TMEM132E: variants seen among roughly 807,000 people sequenced by gnomAD.
The protein encoded by TMEM132E is transmembrane protein 132E.
Under a neutral mutation model 78.5 loss-of-function variants are expected in TMEM132E, and 49 were observed. The observed-to-expected ratio is 0.62, with a 90% CI of 0.50 to 0.79. TMEM132E has a LOEUF of 0.79. TMEM132E is among the 30% of genes least tolerant of loss of function. The probability of loss-of-function intolerance (pLI) is 0.00; values close to 1 mark genes in which losing one functional copy is unlikely to be tolerated. For missense variants in TMEM132E, 1,403 were observed against 1,470.9 expected (o/e 0.95, Z 0.75); for synonymous variants, 715 against 670.6 (o/e 1.07, Z -1.02).
At chr17:34,589,697 C>T (rs1466969397) in intron 1 of TMEM132E, among the ~76,000 whole-genome samples, 5 of 152,084 alleles carry the variant, frequency 3.3e-5, no homozygotes, top group Non-Finnish European at 7.4e-5. Flanking sequence ...CTGCCTGTTG[C>T]CGTTCTATGT....
At chr17:34,619,435 G>A (rs192449603) in intron 1 of TMEM132E, among the ~76,000 whole-genome samples, 286 of 144,628 alleles carry the variant, frequency 2.0e-3, no homozygotes, top group Non-Finnish European at 2.1e-4. Flanking sequence ...CCTGTCCCCT[G>A]GAAATTCTCA....
chr17:34,581,287 T>G, intron 1 of TMEM132E, 144 bp downstream of exon 1: 1 of 735,960 alleles, frequency 1.4e-6, no homozygotes. Flanking sequence ...GCAGCTCGAG[T>G]TACCGCCAGC....
intron 1 of TMEM132E, among the ~76,000 whole-genome samples, chr17:34,595,203 A>C (rs1906014506): frequency 6.6e-6 from 1 of 152,256 alleles, no homozygotes; most frequent in Admixed American, 6.5e-5. Flanking sequence ...AACAGAGCAC[A>C]GCCTAGGAGT....
intron 5 of TMEM132E, among the ~76,000 whole-genome samples, 160 bp from the exon 6 acceptor site, chr17:34,632,544 C>G (rs1464024961): frequency 1.3e-5 from 2 of 152,242 alleles, no homozygotes; most frequent in African/African-American, 4.8e-5. Flanking sequence ...TGATAGAAGC[C>G]AGGACTCCCA....
intron 1 of TMEM132E, among the ~76,000 whole-genome samples, chr17:34,623,206 A>G (rs540024016): frequency 1.3e-5 from 2 of 152,130 alleles, no homozygotes; most frequent in Admixed American, 1.3e-4. Flanking sequence ...TGCAGTCACA[A>G]TTGTCCAATC....
intron 1 of TMEM132E, among the ~76,000 whole-genome samples, chr17:34,589,857 C>T (rs892943602): frequency 1.3e-5 from 2 of 152,170 alleles, no homozygotes; most frequent in East Asian, 3.8e-4. Flanking sequence ...GAGAGGCTGG[C>T]TTATGGGGTC....
intron 1 of TMEM132E, among the ~76,000 whole-genome samples, chr17:34,611,965 T>A (rs981031710): frequency 1.3e-5 from 2 of 152,152 alleles, no homozygotes; most frequent in African/African-American, 4.8e-5. Flanking sequence ...CCAGTTGGCC[T>A]GGGACCGAGG....
chr17:34,602,775 C>T (rs1231349776), intron 1 of TMEM132E, among the ~76,000 whole-genome samples: 2 of 152,164 alleles, frequency 1.3e-5, no homozygotes, highest in Non-Finnish European at 2.9e-5. Context: ...TTAGTGTCCA[C>T]GAAGGAGAGA....
intron 1 of TMEM132E, among the ~76,000 whole-genome samples, chr17:34,600,936 C>T (rs980880456): frequency 2.6e-5 from 4 of 152,306 alleles, no homozygotes; most frequent in East Asian, 1.9e-4. Context: ...CGCCAGCTCA[C>T]GGCACACACT....
chr17:34,604,774 G>A (rs1338196876), intron 1 of TMEM132E, among the ~76,000 whole-genome samples: 2 of 152,200 alleles, frequency 1.3e-5, no homozygotes, highest in African/African-American at 4.8e-5. Flanking sequence ...AGTCTAATGA[G>A]AATGATTTAT....
At chr17:34,620,460 C>G (rs575440295) in intron 1 of TMEM132E, among the ~76,000 whole-genome samples, 2 of 152,266 alleles carry the variant, frequency 1.3e-5, no homozygotes, top group Admixed American at 1.3e-4. Context: ...CCTTGTACTA[C>G]GCAAAGCTGG....
At chr17:34,615,667 A>G (rs1906757445) in intron 1 of TMEM132E, among the ~76,000 whole-genome samples, 1 of 150,950 alleles carries the variant, frequency 6.6e-6, no homozygotes, top group Non-Finnish European at 1.5e-5. Flanking sequence ...GCCAGGGATT[A>G]AAAAAAAACA....
chr17:34,588,310 G>A (rs1260737968), intron 1 of TMEM132E, among the ~76,000 whole-genome samples: 1 of 152,170 alleles, frequency 6.6e-6, no homozygotes, highest in Non-Finnish European at 1.5e-5. Flanking sequence ...ATTTGCCGTG[G>A]TTTTAATTCT....
chr17:34,627,132 T>TGGGGGGGGGGG, intron 2 of TMEM132E, 75 bp downstream of exon 2: 1 of 609,260 alleles, frequency 1.6e-6, no homozygotes, highest in Admixed American at 2.0e-5. Context: ...GTGGGTGGGT[T>TGGGGGGGGGGG]GGGGGGTGGG....
chr17:34,591,948 G>T (rs561640456), intron 1 of TMEM132E, among the ~76,000 whole-genome samples: 131 of 152,208 alleles, frequency 8.6e-4, no homozygotes, highest in Non-Finnish European at 1.4e-3. Context: ...GGTGTGTTTG[G>T]AAGTATCCAG....
Position 34,580,600 on chromosome 17 carries a change from G to A in TMEM132E, c.-477G>A, listed in dbSNP as rs551295977. The A allele has an allele frequency of 6.3e-6, 1 of 158,514 alleles. No individual in the cohort carries two copies. Among genetic ancestry groups the A allele is most frequent in the African/African-American group, 2.4e-5 (1 of 41,844 alleles). The allele number at this position is 158,514 out of a possible 1,614,324, so 9.8% of individuals were successfully genotyped here. On this transcript the variant is annotated 5_prime_UTR_variant, in exon 1 of 9. Transcript: ENST00000631683. ...GATTTTTATGCTGGGCTGCTGCAGG[G>A]GCTTGGAGGAAGAAAGCGGCGCTAT... is the stretch of plus-strand genomic sequence containing the variant.
rs1444288647 is a variant in TMEM132E, at chr17:34,626,137, C to T, written c.78C>T (p.Arg26=). 1.3e-6 allele frequency: 2 copies of T among 1,522,710 alleles called. No homozygotes were observed. Among genetic ancestry groups the T allele is most frequent in the Non-Finnish European group, 1.8e-6 (2 of 1,139,400 alleles). 94.3% of individuals were successfully genotyped at this position (1,522,710 alleles called of 1,614,324 possible). The change falls in exon 2 of 9, where the codon CGC becomes CGT. Residue 26 remains arginine (R), a synonymous_variant. Coordinates refer to ENST00000631683, the MANE Select transcript of TMEM132E (RefSeq NM_001304438.2). ...LSALLAHASG[R]SHPASPSPPG... ...TCTGTCTGTCCCCAGCCTCTGGCCG[C>T]TCCCACCCGGCCAGCCCCAGCCCGC...
chr17:34,582,032 CA>C (rs1487551896), intron 1 of TMEM132E, among the ~76,000 whole-genome samples: 1 of 151,956 alleles, frequency 6.6e-6, no homozygotes, highest in Non-Finnish European at 1.5e-5. Context: ...GCGAGGGGAG[CA>C]GACCGAGGTG....
chr17:34,625,653 T>C (rs1487636169), intron 1 of TMEM132E, among the ~76,000 whole-genome samples: 1 of 151,046 alleles, frequency 6.6e-6, no homozygotes, highest in Non-Finnish European at 1.5e-5. Flanking sequence ...CTAAGGCCTG[T>C]CCCACACGGA....
Sources: gnomAD v4.1 joint callset for allele counts (sites outside exome capture counted in the v4.1 genomes callset) on GRCh38, gnomAD v4.1.1 for gene constraint, MANE v1.5 for transcripts, NCBI Gene and HGNC (gene_info 2026-07-23, HGNC 2026-07-21) for gene names.